The following RAB11FIP4 variants were observed in gnomAD, a reference collection of about 807,000 sequenced individuals.
RAB11FIP4 encodes RAB11 family interacting protein 4.
Under a neutral mutation model 74.3 loss-of-function variants are expected in RAB11FIP4, and 23 were observed. The observed-to-expected ratio is 0.31, with a 90% CI of 0.22 to 0.44. The LOEUF (loss-of-function observed/expected upper bound fraction) is 0.44, where lower values mean the gene tolerates loss of function less well. Among genes scored for constraint, RAB11FIP4 ranks in the 20% least tolerant of loss-of-function variants. The probability of loss-of-function intolerance (pLI) is 1.00; values close to 1 mark genes in which losing one functional copy is unlikely to be tolerated. For synonymous variants in RAB11FIP4, 360 were observed against 359.9 expected (o/e 1.00, Z 0.00); for missense variants, 630 against 863.9 (o/e 0.73, Z 3.39).
At chr17:31,506,858 C>T (rs776593059) in intron 3 of RAB11FIP4, among the ~76,000 whole-genome samples, 1 of 152,206 alleles carries the variant, frequency 6.6e-6, no homozygotes, top group Non-Finnish European at 1.5e-5. Flanking sequence ...GAATGCAGAT[C>T]TCTCTTTGAC....
intron 1 of RAB11FIP4, among the ~76,000 whole-genome samples, chr17:31,402,788 A>AT (rs1330720323): frequency 0.038 from 5,565 of 147,170 alleles, 139 homozygotes; most frequent in Non-Finnish European, 0.058. Flanking sequence ...CTCCTGGCTA[A>AT]TTTTTTTTTT....
At position 31,516,984 on chromosome 17, in the gene RAB11FIP4, T is replaced by C. The variant is rs543052598; in HGVS notation, c.337-667T>C. Reference sequence around the variant, plus strand: ...AGAGGCCAAAGTGAAGTTACAAAGTTACACCCTATGCAAACATCTGATTGG... The same window carrying C: ...AGAGGCCAAAGTGAAGTTACAAAGTCACACCCTATGCAAACATCTGATTGG... On this transcript the variant is annotated intron_variant, in intron 3 of 14. Coordinates refer to ENST00000621161, the MANE Select transcript of RAB11FIP4 (RefSeq NM_032932.6). 2.0e-5 allele frequency among the ~76,000 whole-genome samples: 3 copies of C among 151,620 alleles called. No individual in the cohort carries two copies. In the East Asian group the frequency reaches 5.8e-4, roughly 29 times the overall value.
chr17:31,428,158 G>A (rs931832702), intron 1 of RAB11FIP4, among the ~76,000 whole-genome samples: 1 of 152,214 alleles, frequency 6.6e-6, no homozygotes, highest in Non-Finnish European at 1.5e-5. Context: ...AAGATGGTTA[G>A]GGTGGGGCCT....
chr17:31,534,641 T>A lies in RAB11FIP4; in HGVS notation c.*2909T>A, dbSNP rs1189243208. ...CTCAGACGTTCTGGTTTGATTGTTG[T>A]GGGTGTAGCCCAGGCATGGGATTTT... On this transcript the variant is annotated 3_prime_UTR_variant, in exon 15 of 15. Transcript: ENST00000621161. 1 of 152,228 alleles carries A rather than the reference T, an allele frequency of 6.6e-6. No homozygotes were observed. The highest frequency in any genetic ancestry group is 1.5e-5 in the Non-Finnish European group (1 of 68,044). 9.4% of individuals were successfully genotyped at this position (152,228 alleles called of 1,614,324 possible). A position where few individuals can be genotyped will look rare whatever the true frequency, so the allele number is the denominator to read the frequency against.
chr17:31,430,967 G>A (rs2071304388), intron 1 of RAB11FIP4, among the ~76,000 whole-genome samples: 1 of 152,088 alleles, frequency 6.6e-6, no homozygotes, highest in African/African-American at 2.4e-5. Context: ...GTGATCACTG[G>A]GTTGACCAAG....
At chr17:31,529,589 C>T (rs185150939) in intron 13 of RAB11FIP4, among the ~76,000 whole-genome samples, 223 of 152,266 alleles carry the variant, frequency 1.5e-3, no homozygotes, top group African/African-American at 5.0e-3. Context: ...TTTCAAGGAG[C>T]GCTGCCTTAG....
intron 2 of RAB11FIP4, among the ~76,000 whole-genome samples, chr17:31,432,745 T>C (rs1037979829): frequency 6.6e-6 from 1 of 152,194 alleles, no homozygotes; most frequent in East Asian, 1.9e-4. Flanking sequence ...AATCCCTCTG[T>C]CTTGTCCCAA....
In RAB11FIP4 at chr17:31,523,980, A is replaced by C. The variant is rs755413157; in HGVS notation, c.1117A>C (p.Thr373Pro). Residue 373 changes from threonine (T) to proline (P), a missense_variant, in exon 9 of 15, where the codon ACA becomes CCA. Transcript: ENST00000621161. ...GAAGAGCAAGCTGAAGCAAGAGAAC[A>C]CACAGCTGGTGCACAGGTCAAGCAG... ...DLKSKLKQEN[T>P]QLVHRVHELE... The C allele has an allele frequency of 6.2e-7, 1 of 1,611,036 alleles. No individual in the cohort carries two copies. Among genetic ancestry groups the C allele is most frequent in the Non-Finnish European group, 8.5e-7 (1 of 1,178,844 alleles).
At position 31,505,622 on chromosome 17, in the gene RAB11FIP4, T is replaced by TA. The variant is rs60553516; in HGVS notation, c.337-12028dup. 2.7e-4 allele frequency among the ~76,000 whole-genome samples: 24 copies of TA among 88,944 alleles called. 1 individual carries two copies. The highest frequency in any genetic ancestry group is 1.1e-3 in the African/African-American group (21 of 19,408). The allele number at this position is 88,944 out of a possible 152,430, so 58.4% of individuals were successfully genotyped here. ...TATATAATAATAATTATATATAATATATAATTATATAATAATAATTATATA... is the reference window on the plus strand; with the variant it reads ...TATATAATAATAATTATATATAATATAATAATTATATAATAATAATTATATA... On this transcript the variant is annotated intron_variant, in intron 3 of 14. Transcript: ENST00000621161.
At chr17:31,420,257 G>T (rs1018063832) in intron 1 of RAB11FIP4, among the ~76,000 whole-genome samples, 1 of 151,984 alleles carries the variant, frequency 6.6e-6, no homozygotes, top group Non-Finnish European at 1.5e-5. Context: ...TCGAGACAAG[G>T]TCACACTCTG....
chr17:31,494,126 C>T (rs1268317405), intron 3 of RAB11FIP4, among the ~76,000 whole-genome samples: 2 of 152,158 alleles, frequency 1.3e-5, no homozygotes, highest in African/African-American at 4.8e-5. Flanking sequence ...ACTTAGTTGA[C>T]ACTCGTGGAC....
intron 3 of RAB11FIP4, among the ~76,000 whole-genome samples, chr17:31,513,100 G>A (rs7213551): frequency 0.36 from 55,333 of 151,750 alleles, 10,326 homozygotes; most frequent in South Asian, 0.54. Context: ...AGCATAGTGC[G>A]GTGAGGTGGG....
intron 8 of RAB11FIP4, 133 bp from the exon 9 acceptor site, chr17:31,523,760 C>T (rs986519223): frequency 3.0e-6 from 3 of 992,264 alleles, no homozygotes; most frequent in African/African-American, 3.2e-5. Flanking sequence ...GTTCCCCACT[C>T]CCCCACCCCA....
rs11435501 is a variant in RAB11FIP4 at position 31,442,959 on chromosome 17, C to CAA, written c.336+8851_336+8852dup. Among the ~76,000 whole-genome samples, 693 of 129,424 alleles carry CAA rather than the reference C, an allele frequency of 5.4e-3. 7 individuals are homozygous for CAA. Among genetic ancestry groups the CAA allele is most frequent in the African/African-American group, 0.015 (543 of 35,902 alleles). 84.9% of individuals were successfully genotyped at this position (129,424 alleles called of 152,430 possible). A position where few individuals can be genotyped will look rare whatever the true frequency, so the allele number is the denominator to read the frequency against. On this transcript the variant is annotated intron_variant, in intron 3 of 14. Transcript: ENST00000621161. Reference sequence around the variant, plus strand: ...TGGGCAACAGAGTGAGACTCTGTCTCAAAAAAAAAAAAAAAGAAAAGGATG... The same window carrying CAA: ...TGGGCAACAGAGTGAGACTCTGTCTCAAAAAAAAAAAAAAAAAGAAAAGGATG...
At chr17:31,431,993 C>T in intron 2 of RAB11FIP4, 93 bp downstream of exon 2, 2 of 955,270 alleles carry the variant, frequency 2.1e-6, no homozygotes, top group Non-Finnish European at 3.2e-6. Context: ...GGATTCCTCC[C>T]CACAGGGGTC....
intron 3 of RAB11FIP4, among the ~76,000 whole-genome samples, chr17:31,505,436 T>TA (rs1332390996): frequency 3.2e-5 from 2 of 63,238 alleles, no homozygotes; most frequent in African/African-American, 1.6e-4. Flanking sequence ...TATATAATTA[T>TA]TATATAATAT....
At chr17:31,468,694 G>A (rs1331233802) in intron 3 of RAB11FIP4, among the ~76,000 whole-genome samples, 3 of 152,124 alleles carry the variant, frequency 2.0e-5, no homozygotes, top group South Asian at 4.1e-4. Context: ...GCTGGGTGTG[G>A]TGGTGGGCAC....
intron 1 of RAB11FIP4, among the ~76,000 whole-genome samples, chr17:31,418,216 C>T (rs1567648750): frequency 1.3e-5 from 2 of 152,202 alleles, no homozygotes; most frequent in South Asian, 2.1e-4. Context: ...GGTGAAACCT[C>T]GTCTCTACTA....
At chr17:31,450,447 C>T (rs180787740) in intron 3 of RAB11FIP4, among the ~76,000 whole-genome samples, 21 of 151,924 alleles carry the variant, frequency 1.4e-4, no homozygotes, top group African/African-American at 5.1e-4. Context: ...GGGGTTCAAG[C>T]GATTCTCCTG....
Sources: gnomAD v4.1 joint callset for allele counts (sites outside exome capture counted in the v4.1 genomes callset) on GRCh38, gnomAD v4.1.1 for gene constraint, MANE v1.5 for transcripts, NCBI Gene and HGNC (gene_info 2026-07-23, HGNC 2026-07-21) for gene names.